The following NDUFAF6 variants were observed in gnomAD, a reference collection of about 807,000 sequenced individuals.
NDUFAF6 encodes the protein NADH dehydrogenase (ubiquinone) complex I, assembly factor 6.
Under a neutral mutation model 40.8 loss-of-function variants are expected in NDUFAF6, and 45 were observed. That is an observed-to-expected ratio of 1.10 (90% CI 0.87 to 1.42). NDUFAF6 has a LOEUF of 1.42. Ranked by LOEUF, NDUFAF6 falls within the 40% of genes most tolerant of loss-of-function variation. The pLI, the probability that NDUFAF6 is intolerant of heterozygous loss-of-function variation, is 0.00. For missense variants in NDUFAF6, 435 were observed against 418.5 expected, an observed-to-expected ratio of 1.04 and a Z score of -0.34; for synonymous variants, 185 against 155.9, an observed-to-expected ratio of 1.19 and a Z score of -1.39.
At chr8:95,004,752 G>T (rs2131653568) in intron 2 of NDUFAF6, among the ~76,000 whole-genome samples, 1 of 152,182 alleles carries the variant, frequency 6.6e-6, no homozygotes, top group Admixed American at 6.5e-5. Context: ...CTTGCACCAG[G>T]GAAAAACAGA....
chr8:95,061,837 G>C (rs1832579097), downstream of NDUFAF6, among the ~76,000 whole-genome samples: 1 of 152,136 alleles, frequency 6.6e-6, no homozygotes. Flanking sequence ...CAGGACAGTA[G>C]AGTATTGTAC....
intron 1 of NDUFAF6, among the ~76,000 whole-genome samples, chr8:94,898,539 C>T (rs921467885): frequency 1.3e-5 from 2 of 152,098 alleles, no homozygotes; most frequent in Non-Finnish European, 2.9e-5. Context: ...GAGTTCATAC[C>T]GACATCATGA....
chr8:95,063,999 G>C (rs1279019914), intron 9 of NDUFAF6, among the ~76,000 whole-genome samples: 4 of 148,888 alleles, frequency 2.7e-5, no homozygotes, highest in Non-Finnish European at 5.9e-5. Context: ...AGCCTCCTGA[G>C]TAGCTGGGAC....
chr8:94,978,565 C>T (rs1320933958), intron 1 of NDUFAF6, among the ~76,000 whole-genome samples: 1 of 151,942 alleles, frequency 6.6e-6, no homozygotes, highest in Non-Finnish European at 1.5e-5. Flanking sequence ...AAAATAAAAA[C>T]TTAGCCAGGC....
intron 4 of NDUFAF6, among the ~76,000 whole-genome samples, chr8:95,044,950 AT>A (rs966933050): frequency 6.6e-6 from 1 of 151,974 alleles, no homozygotes; most frequent in African/African-American, 2.4e-5. Flanking sequence ...CAACCCTGTT[AT>A]TTTATTGAGC....
intron 2 of NDUFAF6, among the ~76,000 whole-genome samples, chr8:95,094,713 C>T (rs1185847232): frequency 6.6e-6 from 1 of 150,470 alleles, no homozygotes; most frequent in South Asian, 2.1e-4. Context: ...CTGCGTCTGG[C>T]CTCTTTCTTT....
At chr8:95,085,284 A>G (rs1424204947) in intron 2 of NDUFAF6, among the ~76,000 whole-genome samples, 2 of 152,188 alleles carry the variant, frequency 1.3e-5, no homozygotes, top group African/African-American at 2.4e-5. Flanking sequence ...CTAAGTTCAA[A>G]AACTTTAACT....
intron 2 of NDUFAF6, among the ~76,000 whole-genome samples, chr8:94,994,254 A>G (rs192406294): frequency 1.7e-4 from 26 of 152,262 alleles, no homozygotes; most frequent in Admixed American, 1.6e-3. Context: ...CTTGAAAGCC[A>G]TGTTAAAAAT....
chr8:95,036,298 G>A (rs1829494006), intron 3 of NDUFAF6: 1 of 1,284,092 alleles, frequency 7.8e-7, no homozygotes, highest in Admixed American at 2.3e-5. Context: ...CTGTTGTAAT[G>A]CAGTGATTGC....
intron 8 of NDUFAF6, among the ~76,000 whole-genome samples, chr8:95,052,634 T>C (rs1005772652): frequency 6.6e-6 from 1 of 152,204 alleles, no homozygotes. Flanking sequence ...TTTTTTTCCA[T>C]TGTGACCTGA....
At position 95,052,123 on chromosome 8, in the gene NDUFAF6, A is replaced by G. The variant is rs1563835031; in HGVS notation, c.817-51A>G. On this transcript the variant is annotated intron_variant, in intron 7 of 8. Coordinates refer to ENST00000396124, the MANE Select transcript of NDUFAF6 (RefSeq NM_152416.4). The stretch of plus-strand genomic sequence containing the variant: ...CTGCTGGTGTTGCTTTCAGAGGGAG[A>G]GTGTTTATTTGCTTAATTTTGAACG... 3 of 1,548,702 alleles carry G rather than the reference A, an allele frequency of 1.9e-6. 1 individual carries two copies. In the South Asian group the frequency reaches 3.3e-5, roughly 17 times the overall value.
chr8:95,111,889 A>G (rs138341317), intron 4 of NDUFAF6, among the ~76,000 whole-genome samples: 63 of 152,284 alleles, frequency 4.1e-4, no homozygotes, highest in Admixed American at 2.5e-3. Context: ...GCGGGCTCCT[A>G]TGTTCACTTT....
intron 9 of NDUFAF6, chr8:95,072,078 A>G (rs1832883753): frequency 6.6e-6 from 1 of 151,888 alleles, no homozygotes; most frequent in African/African-American, 2.4e-5. Context: ...TTACCTTCTC[A>G]CCCCCAGAAA....
intron 1 of NDUFAF6, among the ~76,000 whole-genome samples, chr8:94,919,618 G>T (rs1322274487): frequency 3.9e-5 from 6 of 152,126 alleles, no homozygotes; most frequent in Admixed American, 6.6e-5. Context: ...CCATCCCAGG[G>T]ACAGAGAGGA....
intron 2 of NDUFAF6, among the ~76,000 whole-genome samples, chr8:94,946,032 C>T (rs1322861665): frequency 6.6e-6 from 1 of 152,022 alleles, no homozygotes; most frequent in Non-Finnish European, 1.5e-5. Flanking sequence ...TATAAAAAGT[C>T]TAGAAAATAA....
At chr8:94,899,904 C>T (rs1031775161) in intron 1 of NDUFAF6, among the ~76,000 whole-genome samples, 44 of 152,176 alleles carry the variant, frequency 2.9e-4, no homozygotes, top group Non-Finnish European at 6.0e-4. Flanking sequence ...CACACAAGAC[C>T]TCTTGCGCCC....
At position 95,058,646 on chromosome 8, in the gene NDUFAF6, A is replaced by G. The variant is rs1832468916; in HGVS notation, c.*709A>G. On this transcript the variant is annotated 3_prime_UTR_variant, in exon 9 of 9. Transcript: ENST00000396124. The stretch of plus-strand genomic sequence containing the variant: ...TGATCGTGAACAAAATTGTACTGAG[A>G]AAGTTTGTATAAGTGATATGAACGG... The G allele has an allele frequency of 1.8e-6, 2 of 1,095,888 alleles. No homozygotes were observed. The highest frequency in any genetic ancestry group is 2.2e-6 in the Non-Finnish European group (2 of 902,898). The allele number at this position is 1,095,888 out of a possible 1,614,324, so 67.9% of individuals were successfully genotyped here.
At chr8:95,041,688 T>C (rs1830165579) in intron 4 of NDUFAF6, 62 bp downstream of exon 4, 4 of 1,322,040 alleles carry the variant, frequency 3.0e-6, no homozygotes, top group South Asian at 1.2e-5. Flanking sequence ...AGCTAATTCT[T>C]CAAGAAGGAC....
upstream of NDUFAF6, among the ~76,000 whole-genome samples, chr8:95,021,527 T>C (rs1468996315): frequency 1.3e-5 from 2 of 152,218 alleles, no homozygotes; most frequent in Non-Finnish European, 2.9e-5. Flanking sequence ...GCCTTTTCCC[T>C]TCTTGGCACG....
Sources: gnomAD v4.1 joint callset for allele counts (sites outside exome capture counted in the v4.1 genomes callset) on GRCh38, gnomAD v4.1.1 for gene constraint, MANE v1.5 for transcripts, NCBI Gene and HGNC (gene_info 2026-07-23, HGNC 2026-07-21) for gene names.